Variants in TRA2B observed in about 807,000 individuals in gnomAD.
The protein encoded by TRA2B is transformer-2 protein homolog beta.
In TRA2B, 14 loss-of-function variants were observed where a neutral mutation model predicts 41.7. The observed-to-expected ratio is 0.34, with a 90% CI of 0.22 to 0.53. TRA2B has a LOEUF of 0.53. TRA2B is among the 20% of genes least tolerant of loss of function. The pLI, the probability that TRA2B is intolerant of heterozygous loss-of-function variation, is 0.95. For synonymous variants in TRA2B, 130 were observed against 128.8 expected (o/e 1.01, Z -0.06); for missense variants, 167 against 396.8 (o/e 0.42, Z 4.92).
rs762511965 is a variant in TRA2B at position 185,921,096 on chromosome 3, T to C, written c.722+8A>G. On this transcript the variant is annotated splice_region_variant and intron_variant, in intron 6 of 8. Coordinates refer to ENST00000453386, the MANE Select transcript of TRA2B (RefSeq NM_004593.3). Reference sequence around the variant, plus strand: ...TTCAGACGTTGACCTTTCTACCTCATAACTTACCTGTATGATCTGCTATAG... The same window carrying C: ...TTCAGACGTTGACCTTTCTACCTCACAACTTACCTGTATGATCTGCTATAG... 26 of 1,613,140 alleles carry C rather than the reference T, an allele frequency of 1.6e-5. No homozygotes were observed. Among genetic ancestry groups the C allele is most frequent in the African/African-American group, 2.7e-5 (2 of 74,912 alleles).
At chr3:185,933,390 A>G (rs944717554) in intron 1 of TRA2B, among the ~76,000 whole-genome samples, 6 of 152,200 alleles carry the variant, frequency 3.9e-5, no homozygotes, top group African/African-American at 1.4e-4. Context: ...TAAAACCAGA[A>G]GATCAACTCT....
chr3:185,922,210 A>C, intron 4 of TRA2B, 84 bp from the exon 5 acceptor site: 1 of 923,916 alleles, frequency 1.1e-6, no homozygotes, highest in Non-Finnish European at 1.7e-6. Flanking sequence ...CCCACTGGAC[A>C]TTTCAGTTAG....
intron 1 of TRA2B, chr3:185,928,489 A>G (rs1744034507): frequency 6.6e-6 from 1 of 152,204 alleles, no homozygotes; most frequent in Admixed American, 6.5e-5. Flanking sequence ...GGGGCTTCCA[A>G]TTAACAACAA....
chr3:185,925,384 C>T (rs1471661672), intron 3 of TRA2B, 80 bp downstream of exon 3: 6 of 1,524,624 alleles, frequency 3.9e-6, no homozygotes, highest in Non-Finnish European at 5.3e-6. Flanking sequence ...TGCTAAAGCT[C>T]TATTGTCAAA....
At chr3:185,930,846 C>T (rs975544650) in intron 1 of TRA2B, among the ~76,000 whole-genome samples, 1 of 152,192 alleles carries the variant, frequency 6.6e-6, no homozygotes, top group Non-Finnish European at 1.5e-5. Flanking sequence ...ATGAAAGCAT[C>T]TGCCATTACT....
chr3:185,914,910 C>G lies in TRA2B; in HGVS notation c.*2805G>C, dbSNP rs1270065679. On this transcript the variant is annotated 3_prime_UTR_variant, in exon 9 of 9. Coordinates refer to ENST00000453386, the MANE Select transcript of TRA2B (RefSeq NM_004593.3). Reference sequence around the variant, plus strand: ...TCCTGGGCCTTGCAGAATTGGAATCCTAGTCAATGGTGTAAGAGGGCTAAG... The same window carrying G: ...TCCTGGGCCTTGCAGAATTGGAATCGTAGTCAATGGTGTAAGAGGGCTAAG... Among the ~76,000 whole-genome samples the G allele has an allele frequency of 6.6e-6, 1 of 152,030 alleles. No individual in the cohort carries two copies. Among genetic ancestry groups the G allele is most frequent in the Non-Finnish European group, 1.5e-5 (1 of 67,988 alleles).
At chr3:185,925,281 C>T in intron 3 of TRA2B, 183 bp downstream of exon 3, 1 of 632,802 alleles carries the variant, frequency 1.6e-6, no homozygotes, top group Non-Finnish European at 2.6e-6. Flanking sequence ...AATTGACAGG[C>T]AGCCCAAATG....
At chr3:185,921,774 A>AAAACC (rs1228791600) in intron 5 of TRA2B, among the ~76,000 whole-genome samples, 21 of 152,074 alleles carry the variant, frequency 1.4e-4, no homozygotes, top group Non-Finnish European at 2.6e-4. Context: ...AAAACAAAAC[A>AAAACC]AAAACAAAAC....
chr3:185,930,619 T>C (rs531521331), intron 1 of TRA2B, among the ~76,000 whole-genome samples: 8 of 152,310 alleles, frequency 5.3e-5, no homozygotes, highest in South Asian at 4.1e-4. Flanking sequence ...ATTTTTGATA[T>C]GTGTACTTGT....
intron 1 of TRA2B, chr3:185,937,108 T>TA (rs1744392208): frequency 4.1e-6 from 4 of 985,312 alleles, no homozygotes; most frequent in Non-Finnish European, 4.8e-6. Context: ...AGAATACTGA[T>TA]ACAGATTTTT....
At chr3:185,937,505 A>G (rs1744411331) in intron 1 of TRA2B, 5 of 1,052,064 alleles carry the variant, frequency 4.8e-6, no homozygotes, top group Admixed American at 4.8e-5. Context: ...CAACGCCGAA[A>G]TAAGATATCG....
intron 1 of TRA2B, chr3:185,931,510 T>C (rs1744154398): frequency 1.9e-6 from 2 of 1,077,990 alleles, no homozygotes; most frequent in East Asian, 5.5e-5. Context: ...TATTTTCCTC[T>C]ATTAAACAAA....
chr3:185,937,221 C>G, intron 1 of TRA2B: 1 of 985,850 alleles, frequency 1.0e-6, no homozygotes, highest in Non-Finnish European at 1.2e-6. Flanking sequence ...ACTTAGTCGG[C>G]CTTGGATTAG....
intron 1 of TRA2B, among the ~76,000 whole-genome samples, chr3:185,932,376 T>C (rs1744183357): frequency 6.6e-6 from 1 of 152,188 alleles, no homozygotes; most frequent in Admixed American, 6.5e-5. Flanking sequence ...TAAAGAGCTC[T>C]GCAGAAAGAC....
At chr3:185,921,067 G>A (rs1301971573) in intron 6 of TRA2B, 37 bp downstream of exon 6, 7 of 1,574,556 alleles carry the variant, frequency 4.4e-6, no homozygotes, top group African/African-American at 2.7e-5. Context: ...ACACTGTACT[G>A]AGATTCAGAC....
In TRA2B at chr3:185,924,020, T is replaced by C. The variant is rs1359899281; in HGVS notation, c.334-36A>G. 3.2e-6 allele frequency: 5 copies of C among 1,566,690 alleles called. No homozygotes were observed. The African/African-American group carries it at 4.1e-5, about 13-fold the overall frequency. ...AAAAAAGTTTTAAACTTTGGAAAAG[T>C]TGTCATAAAATCAAAGTTGTTTAAA... is the stretch of plus-strand genomic sequence containing the variant. On this transcript the variant is annotated intron_variant, in intron 3 of 8. Transcript: ENST00000453386.
chr3:185,933,019 A>G (rs889184502), intron 1 of TRA2B, among the ~76,000 whole-genome samples: 8 of 152,156 alleles, frequency 5.3e-5, no homozygotes, highest in South Asian at 2.1e-4. Flanking sequence ...AAATTTTTAA[A>G]TATGTTTTTA....
chr3:185,936,605 T>C, intron 1 of TRA2B: 3 of 985,170 alleles, frequency 3.0e-6, no homozygotes, highest in Non-Finnish European at 2.4e-6. Flanking sequence ...TTAATAGTCT[T>C]ATTTACCTGA....
At chr3:185,928,668 G>C (rs758895178) in intron 1 of TRA2B, 1 of 152,160 alleles carries the variant, frequency 6.6e-6, no homozygotes, top group Non-Finnish European at 1.5e-5. Flanking sequence ...CTAAAAGCCT[G>C]TTTACTCCAA....
Sources: allele counts gnomAD v4.1 joint callset (sites outside exome capture counted in the v4.1 genomes callset), GRCh38; gene constraint gnomAD v4.1.1; transcripts MANE v1.5; gene names NCBI Gene and HGNC (gene_info 2026-07-23, HGNC 2026-07-21).